REPS1: variants seen among roughly 807,000 people sequenced by gnomAD.
REPS1 encodes ralBP1-associated Eps domain-containing protein 1.
REPS1 carries 39 observed loss-of-function variants against 100.9 expected under a neutral mutation model. That is an observed-to-expected ratio of 0.39 (90% confidence interval 0.30 to 0.50). The LOEUF is 0.50. Among genes scored for constraint, REPS1 ranks in the 20% least tolerant of loss-of-function variants. REPS1 has a pLI of 0.86. For missense variants in REPS1, 821 were observed against 968.5 expected (o/e 0.85, Z 2.02); for synonymous variants, 324 against 340.3 (o/e 0.95, Z 0.53).
intron 2 of REPS1, among the ~76,000 whole-genome samples, chr6:138,946,042 T>A (rs1782592308): frequency 6.6e-6 from 1 of 152,156 alleles, no homozygotes; most frequent in South Asian, 2.1e-4. Context: ...ATAAGAAAAC[T>A]GAGGCTCCAT....
chr6:138,975,017 G>T (rs1472418002), intron 1 of REPS1, among the ~76,000 whole-genome samples: 1 of 151,722 alleles, frequency 6.6e-6, no homozygotes, highest in Non-Finnish European at 1.5e-5. Flanking sequence ...AGTTAGGCTT[G>T]CATTCCTCAT....
intron 15 of REPS1, among the ~76,000 whole-genome samples, chr6:138,913,958 T>C (rs1324301640): frequency 6.6e-6 from 1 of 152,246 alleles, no homozygotes; most frequent in East Asian, 1.9e-4. Flanking sequence ...AAGCATTTTA[T>C]AAATGTCTAC....
rs917257200 is a variant in REPS1, at chr6:138,987,902, C to A, written c.-220G>T. The A allele has an allele frequency of 1.5e-5, 6 of 408,098 alleles. No homozygotes were observed. Among genetic ancestry groups the A allele is most frequent in the South Asian group, 1.2e-4 (1 of 8,534 alleles). The allele number at this position is 408,098 out of a possible 1,614,324, so 25.3% of individuals were successfully genotyped here. ...TCGCCGCGCCGCTGCCTGCGAGGCC[C>A]GGCGCGCGGCTGCGGCTGCGGCTGC... On this transcript the variant is annotated 5_prime_UTR_variant, in exon 1 of 20. Transcript: ENST00000450536.
At chr6:138,941,211 T>C (rs1252599411) in intron 8 of REPS1, 124 bp downstream of exon 8, 11 of 1,025,420 alleles carry the variant, frequency 1.1e-5, no homozygotes, top group South Asian at 6.3e-5. Flanking sequence ...GACAAATCTA[T>C]GTACACTTGA....
intron 14 of REPS1, chr6:138,914,997 T>G (rs566939233): frequency 2.1e-6 from 1 of 484,220 alleles, no homozygotes; most frequent in Non-Finnish European, 3.6e-6. Context: ...CCTCCTGGCA[T>G]ACTCCTGCCT....
At chr6:138,941,554 GAAGC>G in intron 7 of REPS1, 65 bp from the exon 8 acceptor site, 3 of 1,439,476 alleles carry the variant, frequency 2.1e-6, no homozygotes, top group Non-Finnish European at 2.9e-6. Flanking sequence ...TTCTCAAAAA[GAAGC>G]AAGAGAAATA....
At chr6:138,952,493 G>T (rs1783102434) in intron 1 of REPS1, among the ~76,000 whole-genome samples, 2 of 151,780 alleles carry the variant, frequency 1.3e-5, no homozygotes, top group African/African-American at 4.8e-5. Context: ...TCCACCTCCT[G>T]GGTACAAGCG....
chr6:138,944,971 C>T (rs1435616723), intron 4 of REPS1, among the ~76,000 whole-genome samples: 1 of 152,120 alleles, frequency 6.6e-6, no homozygotes, highest in Non-Finnish European at 1.5e-5. Context: ...GTTTTTGCTT[C>T]TATTTAACTT....
At chr6:138,942,179 G>A (rs1204859505) in intron 7 of REPS1, among the ~76,000 whole-genome samples, 1 of 152,088 alleles carries the variant, frequency 6.6e-6, no homozygotes, top group Non-Finnish European at 1.5e-5. Flanking sequence ...AAGTAGAACT[G>A]CAAGGCTTAA....
chr6:138,948,127 T>G (rs1474167445), intron 1 of REPS1, among the ~76,000 whole-genome samples: 1 of 152,190 alleles, frequency 6.6e-6, no homozygotes, highest in Non-Finnish European at 1.5e-5. Flanking sequence ...CTCCTATTTA[T>G]CAAAATCCAT....
At position 138,904,512 on chromosome 6, in the gene REPS1, A is replaced by G. The variant is rs1779514284; in HGVS notation, c.*552T>C. 6.6e-6 allele frequency: 1 copy of G among 152,258 alleles called. No individual in the cohort carries two copies. Among genetic ancestry groups the G allele is most frequent in the Non-Finnish European group, 1.5e-5 (1 of 68,046 alleles). The allele number at this position is 152,258 out of a possible 1,614,324, so 9.4% of individuals were successfully genotyped here. A position where few individuals can be genotyped will look rare whatever the true frequency, so the allele number is the denominator to read the frequency against. On this transcript the variant is annotated 3_prime_UTR_variant, in exon 20 of 20. Coordinates refer to ENST00000450536, the MANE Select transcript of REPS1 (RefSeq NM_001286611.2). The stretch of plus-strand genomic sequence containing the variant: ...ATCTCACATGTTTGTATTTGTCACA[A>G]GTTGACATGTAAAAGAGGCTTCAAT...
chr6:138,949,556 T>C (rs546455704), intron 1 of REPS1, among the ~76,000 whole-genome samples: 75 of 152,086 alleles, frequency 4.9e-4, no homozygotes, highest in Non-Finnish European at 8.5e-4. Flanking sequence ...GTGAAACCCA[T>C]GTCTACTAAA....
At chr6:138,913,083 A>G in intron 15 of REPS1, 133 bp from the exon 16 acceptor site, 2 of 624,212 alleles carry the variant, frequency 3.2e-6, no homozygotes, top group Non-Finnish European at 2.6e-6. Flanking sequence ...AGAGAGGTGT[A>G]TTATAGTAAC....
intron 1 of REPS1, among the ~76,000 whole-genome samples, chr6:138,964,549 T>C (rs1783910823): frequency 1.3e-5 from 2 of 152,008 alleles, no homozygotes; most frequent in Non-Finnish European, 2.9e-5. Context: ...GTATGTTAAT[T>C]AACTCAATTT....
chr6:138,920,879 A>C (rs1228550852), intron 11 of REPS1, among the ~76,000 whole-genome samples, 158 bp downstream of exon 11: 3 of 152,262 alleles, frequency 2.0e-5, no homozygotes, highest in Admixed American at 1.3e-4. Flanking sequence ...ATTCCTTTTA[A>C]AAACAGCAAC....
rs1780100364 is a variant in REPS1, at chr6:138,912,863, G to T, written c.1873C>A (p.Pro625Thr). ...STSPQQIPEQ[P>T]NFADFSQFEV... ...AACTGACTGAAATCTGCAAAATTTG[G>T]TTGCTCTGGTATCTGCTGAGGTGAG... The change falls in exon 16 of 20, where the codon CCA becomes ACA. Residue 625 changes from proline to threonine, a missense_variant. This residue lies in a region of REPS1 where 757 missense variants were observed against 866.4 expected (regional missense o/e 0.87). Transcript: ENST00000450536. The T allele has an allele frequency of 2.5e-6, 4 of 1,613,972 alleles. No individual in the cohort carries two copies. The highest frequency in any genetic ancestry group is 1.7e-5 in the Admixed American group (1 of 59,990).
At chr6:138,985,310 TC>T (rs1250132233) in intron 1 of REPS1, among the ~76,000 whole-genome samples, 1 of 152,186 alleles carries the variant, frequency 6.6e-6, no homozygotes, top group Non-Finnish European at 1.5e-5. Flanking sequence ...TTGGCACCTC[TC>T]CTATGGCATA....
intron 12 of REPS1, among the ~76,000 whole-genome samples, chr6:138,918,510 T>A (rs975709831): frequency 3.3e-5 from 5 of 152,180 alleles, no homozygotes; most frequent in African/African-American, 1.2e-4. Context: ...AAGTTGACAA[T>A]GAATCTGTTA....
chr6:138,920,373 C>A, intron 11 of REPS1, 57 bp from the exon 12 acceptor site: 1 of 878,820 alleles, frequency 1.1e-6, no homozygotes, highest in South Asian at 1.5e-5. Flanking sequence ...CTGATAAACT[C>A]ATAAAGCTCA....
Sources: gnomAD v4.1 joint callset for allele counts (sites outside exome capture counted in the v4.1 genomes callset) on GRCh38, gnomAD v4.1.1 for gene constraint, gnomAD v4.1.1 regional missense constraint, MANE v1.5 for transcripts, NCBI Gene and HGNC (gene_info 2026-07-23, HGNC 2026-07-21) for gene names.